CSMD1: variants seen among roughly 807,000 people sequenced by gnomAD.
The protein encoded by CSMD1 is CUB and sushi domain-containing protein 1.
A neutral mutation model predicts 417.5 loss-of-function variants in CSMD1; 213 were observed. The observed-to-expected ratio is 0.51, with a 90% confidence interval of 0.46 to 0.57. The LOEUF (loss-of-function observed/expected upper bound fraction) is 0.57. Among genes scored for constraint, CSMD1 ranks in the 20% least tolerant of loss-of-function variants. The pLI is 0.00. For synonymous variants in CSMD1, 2,862 were observed against 1,736.8 expected, an observed-to-expected ratio of 1.65 and a Z score of -16.11; for missense variants, 6,923 against 4,529.7, an observed-to-expected ratio of 1.53 and a Z score of -15.17.
At chr8:4,723,929 T>A (rs1221288811) in intron 1 of CSMD1, among the ~76,000 whole-genome samples, 1 of 151,990 alleles carries the variant, frequency 6.6e-6, no homozygotes, top group African/African-American at 2.4e-5. Flanking sequence ...CTTCAAAACA[T>A]ACTTTGAGTA....
intron 1 of CSMD1, among the ~76,000 whole-genome samples, chr8:4,850,380 A>ATTTTTTTTT (rs1403352847): frequency 2.4e-5 from 2 of 82,762 alleles, no homozygotes; most frequent in African/African-American, 9.8e-5. Context: ...AATCCAATTT[A>ATTTTTTTTT]TCTTTTTTTT....
At chr8:4,292,785 T>A (rs1380424827) in intron 3 of CSMD1, among the ~76,000 whole-genome samples, 1 of 152,222 alleles carries the variant, frequency 6.6e-6, no homozygotes, top group Non-Finnish European at 1.5e-5. Flanking sequence ...TCTTCAGTAG[T>A]CCCAACCATG....
At position 3,214,615 on chromosome 8, in the gene CSMD1, G is replaced by A. The variant is rs1328654338; in HGVS notation, c.4749C>T (p.Gly1583=). Residue 1583 remains glycine (G), a synonymous_variant, in exon 30 of 70, where the codon GGC becomes GGT. Coordinates refer to ENST00000635120, the MANE Select transcript of CSMD1 (RefSeq NM_033225.6). ...AGTCACACTGGTAGGTGATGGTGGA[G>A]CCAAGCTTGAAGTCTGTTCCAACTC... ...GTRVGTDFKL[G]STITYQCDSG... 1.3e-6 allele frequency: 2 copies of A among 1,559,606 alleles called. No individual in the cohort carries two copies. The highest frequency in any genetic ancestry group is 1.7e-6 in the Non-Finnish European group (2 of 1,151,232).
intron 11 of CSMD1, among the ~76,000 whole-genome samples, chr8:3,485,693 G>A (rs1251564230): frequency 1.3e-5 from 2 of 151,892 alleles, no homozygotes; most frequent in African/African-American, 2.4e-5. Flanking sequence ...TTGAGAGGCA[G>A]CAGTTGCAGT....
In CSMD1 at chr8:3,594,922, C is replaced by A. The variant is rs181568544; in HGVS notation, c.1098-8662G>T. Among the ~76,000 whole-genome samples the A allele has an allele frequency of 6.7e-3, 1,027 of 152,236 alleles. 3 individuals carry two copies. Among genetic ancestry groups the A allele is most frequent in the Non-Finnish European group, 0.011 (748 of 68,012 alleles). On this transcript the variant is annotated intron_variant, in intron 8 of 69. Coordinates refer to ENST00000635120, the MANE Select transcript of CSMD1 (RefSeq NM_033225.6). ...ACTAATGTGAGCAAAAACCAGGAGG[C>A]AGAAGCAGGAATTCAGAACATCTCC... is the stretch of plus-strand genomic sequence containing the variant.
chr8:3,410,964 G>A (rs1254531644), intron 12 of CSMD1, among the ~76,000 whole-genome samples: 2 of 152,146 alleles, frequency 1.3e-5, no homozygotes, highest in African/African-American at 2.4e-5. Flanking sequence ...CCTGAAGGAA[G>A]ATGGCAATCA....
chr8:2,965,655 G>T, intron 59 of CSMD1, 120 bp downstream of exon 59: 2 of 735,994 alleles, frequency 2.7e-6, no homozygotes, highest in Non-Finnish European at 2.2e-6. Flanking sequence ...GTTGCAAATT[G>T]CTGTTCAAGA....
At chr8:4,206,368 C>T (rs79415712) in intron 3 of CSMD1, among the ~76,000 whole-genome samples, 32 of 152,126 alleles carry the variant, frequency 2.1e-4, no homozygotes, top group African/African-American at 5.8e-4. Flanking sequence ...CCACAGGCCC[C>T]GGTATGTCAT....
chr8:4,244,156 G>A (rs1245390291), intron 3 of CSMD1, among the ~76,000 whole-genome samples: 1 of 152,180 alleles, frequency 6.6e-6, no homozygotes, highest in African/African-American at 2.4e-5. Flanking sequence ...TTGTGCTACA[G>A]GCAGCTCTGC....
At chr8:4,141,346 G>A (rs1388218106) in intron 3 of CSMD1, among the ~76,000 whole-genome samples, 1 of 151,224 alleles carries the variant, frequency 6.6e-6, no homozygotes, top group Non-Finnish European at 1.5e-5. Context: ...GTTCAGAGAA[G>A]TATGCTCATG....
chr8:4,891,582 T>A (rs1804126094), intron 1 of CSMD1, among the ~76,000 whole-genome samples: 1 of 152,150 alleles, frequency 6.6e-6, no homozygotes, highest in African/African-American at 2.4e-5. Context: ...TTATTTTTCA[T>A]CTCTTTTAGG....
intron 52 of CSMD1, among the ~76,000 whole-genome samples, chr8:3,017,671 C>T (rs1585157993): frequency 6.6e-6 from 1 of 152,008 alleles, no homozygotes. Flanking sequence ...CTTGTTTCTT[C>T]AAATTCTCCC....
At chr8:4,508,519 C>T (rs921459270) in intron 2 of CSMD1, among the ~76,000 whole-genome samples, 13 of 151,958 alleles carry the variant, frequency 8.6e-5, no homozygotes, top group Admixed American at 2.6e-4. Flanking sequence ...ATCATCCAAA[C>T]GTTATAAATT....
chr8:3,838,991 T>C (rs1308852418), intron 5 of CSMD1, among the ~76,000 whole-genome samples: 3 of 126,276 alleles, frequency 2.4e-5, no homozygotes, highest in Non-Finnish European at 3.1e-5. Context: ...TTATATATCA[T>C]ATAATTATAA....
At chr8:3,691,475 C>G (rs1441104810) in intron 7 of CSMD1, among the ~76,000 whole-genome samples, 1 of 152,192 alleles carries the variant, frequency 6.6e-6, no homozygotes, top group Admixed American at 6.5e-5. Context: ...TCTGTAATTT[C>G]TATTTCAATG....
chr8:3,814,780 T>C (rs1801283848), intron 5 of CSMD1, among the ~76,000 whole-genome samples: 1 of 152,168 alleles, frequency 6.6e-6, no homozygotes, highest in African/African-American at 2.4e-5. Context: ...TCTGCCACGA[T>C]TTTCTATTTA....
chr8:3,310,391 G>T (rs995717540), intron 23 of CSMD1, among the ~76,000 whole-genome samples: 13 of 152,158 alleles, frequency 8.5e-5, no homozygotes, highest in African/African-American at 2.9e-4. Context: ...TCTTTAGAAG[G>T]CAGTCCTGCC....
chr8:3,784,383 A>G (rs59237395), intron 5 of CSMD1, among the ~76,000 whole-genome samples: 6,345 of 152,206 alleles, frequency 0.042, 484 homozygotes, highest in African/African-American at 0.14. Context: ...AAATCACACG[A>G]TTCTTCAGCC....
intron 3 of CSMD1, among the ~76,000 whole-genome samples, chr8:4,376,932 G>A (rs189413476): frequency 1.1e-3 from 167 of 152,198 alleles, no homozygotes; most frequent in African/African-American, 3.9e-3. Flanking sequence ...TTTATGGAAC[G>A]GGGGTAATGT....
Sources: gnomAD v4.1 joint callset for allele counts (sites outside exome capture counted in the v4.1 genomes callset) on GRCh38, gnomAD v4.1.1 for gene constraint, MANE v1.5 for transcripts, NCBI Gene and HGNC (gene_info 2026-07-23, HGNC 2026-07-21) for gene names.